Variants in DYNC1I2 observed in about 807,000 individuals in gnomAD.
DYNC1I2 encodes the protein dynein cytoplasmic 1 intermediate chain 2.
Under a neutral mutation model 88.6 loss-of-function variants are expected in DYNC1I2, and 53 were observed. The ratio of observed to expected loss-of-function variants is 0.60; its 90% CI spans 0.48 to 0.75. The LOEUF (loss-of-function observed/expected upper bound fraction) is 0.75, where lower values mean the gene tolerates loss of function less well. DYNC1I2 is among the 30% of genes least tolerant of loss of function. DYNC1I2 has a pLI of 0.00. For synonymous variants in DYNC1I2, 198 were observed against 254.6 expected, an observed-to-expected ratio of 0.78 and a Z score of 2.12; for missense variants, 458 against 766.6, an observed-to-expected ratio of 0.60 and a Z score of 4.75.
At chr2:171,693,020 T>C (rs1685506833) in intron 3 of DYNC1I2, 126 bp downstream of exon 3, 1 of 741,690 alleles carries the variant, frequency 1.3e-6, no homozygotes, top group African/African-American at 1.8e-5. Flanking sequence ...TATTAATCTT[T>C]TATTTGGAAT....
chr2:171,745,905 T>C lies in DYNC1I2; in HGVS notation c.1781T>C (p.Ile594Thr). 6.2e-7 allele frequency: 1 copy of C among 1,613,768 alleles called. No individual in the cohort carries two copies. The highest frequency in any genetic ancestry group is 8.5e-7 in the Non-Finnish European group (1 of 1,179,744). Residue 594 changes from isoleucine to threonine, a missense_variant, in exon 17 of 18, where the codon ATT becomes ACT. By Grantham distance (89) the Ile-to-Thr change is moderately conservative. Around this residue, in one of 5 missense-constraint regions of DYNC1I2, gnomAD observed 188 missense variants for 300.4 expected, o/e 0.63. Coordinates refer to ENST00000397119, the MANE Select transcript of DYNC1I2 (RefSeq NM_001378.3). ...EIAVGDSEGQ[I>T]VIYDVGEQIA... ...GCTGTGGGTGATTCTGAAGGACAGA[T>C]TGTTATATACGATGTGGGAGAGGTA... is the stretch of plus-strand genomic sequence containing the variant.
chr2:171,738,301 C>T (rs1000683557), intron 15 of DYNC1I2, among the ~76,000 whole-genome samples: 1 of 151,576 alleles, frequency 6.6e-6, no homozygotes, highest in Non-Finnish European at 1.5e-5. Context: ...CATTGCACTC[C>T]AGCCTGGGAG....
intron 15 of DYNC1I2, among the ~76,000 whole-genome samples, chr2:171,730,907 G>A (rs569427940): frequency 2.0e-5 from 3 of 152,208 alleles, no homozygotes; most frequent in South Asian, 2.1e-4. Flanking sequence ...ATTCATTCTT[G>A]TCCTTTCTTG....
rs61079902 is a variant in DYNC1I2 at position 171,733,459 on chromosome 2, C to CTTTTTT, written c.1536+3631_1536+3636dup. On this transcript the variant is annotated intron_variant, in intron 15 of 17. Transcript: ENST00000397119. ...TTTTTCTCCACAACCTTGCCAGCAT[C>CTTTTTT]TTTTTTTTTTTTTTTTTTTTTTTTT... is the stretch of plus-strand genomic sequence containing the variant. Among the ~76,000 whole-genome samples the CTTTTTT allele has an allele frequency of 2.9e-3, 160 of 55,734 alleles. 10 individuals carry two copies. The highest frequency in any genetic ancestry group is 3.5e-3 in the Non-Finnish European group (111 of 31,444). 36.6% of individuals were successfully genotyped at this position (55,734 alleles called of 152,430 possible). A position where few individuals can be genotyped will look rare whatever the true frequency, so the allele number is the denominator to read the frequency against.
At chr2:171,729,970 G>A in intron 15 of DYNC1I2, 117 bp downstream of exon 15, 1 of 1,237,352 alleles carries the variant, frequency 8.1e-7, no homozygotes, top group Non-Finnish European at 1.1e-6. Flanking sequence ...AATAGATGAA[G>A]CCTGCTAGGA....
At chr2:171,728,509 T>G in intron 13 of DYNC1I2, 91 bp downstream of exon 13, 2 of 861,728 alleles carry the variant, frequency 2.3e-6, no homozygotes, top group South Asian at 3.8e-5. Context: ...TAAACTGTTT[T>G]ATAGTAGTGT....
intron 14 of DYNC1I2, 48 bp from the exon 15 acceptor site, chr2:171,729,661 G>T (rs751751442): frequency 5.6e-6 from 9 of 1,599,348 alleles, no homozygotes; most frequent in African/African-American, 1.3e-5. Flanking sequence ...TATGTAATTG[G>T]TCTACTTATA....
At chr2:171,716,501 C>T (rs1303908903) in intron 7 of DYNC1I2, among the ~76,000 whole-genome samples, 1 of 152,100 alleles carries the variant, frequency 6.6e-6, no homozygotes, top group Admixed American at 6.5e-5. Context: ...AAGTTATATT[C>T]ATTGCAGAAA....
intron 7 of DYNC1I2, among the ~76,000 whole-genome samples, chr2:171,724,246 A>G (rs750909122): frequency 6.6e-5 from 10 of 152,132 alleles, no homozygotes; most frequent in Non-Finnish European, 1.3e-4. Context: ...TTATATTTTT[A>G]TTGCCTATAC....
chr2:171,703,178 G>A (rs539138576), intron 3 of DYNC1I2, among the ~76,000 whole-genome samples: 3 of 152,282 alleles, frequency 2.0e-5, no homozygotes, highest in East Asian at 1.9e-4. Context: ...ATGTCTTACC[G>A]CCTGGTAAGG....
Position 171,744,113 on chromosome 2 carries a change from C to T in DYNC1I2, c.1601C>T (p.Pro534Leu). The T allele has an allele frequency of 6.2e-7, 1 of 1,613,308 alleles. No homozygotes were observed. The highest frequency in any genetic ancestry group is 8.5e-7 in the Non-Finnish European group (1 of 1,179,644). Residue 534 changes from proline (P) to leucine (L), a missense_variant, in exon 16 of 18, where the codon CCT (proline) becomes CTT (leucine). By Grantham distance (98) the Pro-to-Leu change is moderately conservative (BLOSUM62 -3). Transcript: ENST00000397119. ...ADYVYDVMWSPTHPALFACVD... is the reference protein window; with the variant it reads ...ADYVYDVMWSLTHPALFACVD... ...TATGTTTATGATGTTATGTGGTCAC[C>T]TACCCACCCAGCCCTGTTTGCCTGT...
At chr2:171,732,355 C>A (rs10204501) in intron 15 of DYNC1I2, among the ~76,000 whole-genome samples, 1 of 151,804 alleles carries the variant, frequency 6.6e-6, no homozygotes, top group African/African-American at 2.4e-5. Context: ...CAAAACTCCA[C>A]CTGAAAAAGT....
chr2:171,705,647 A>G (rs1686624217), intron 3 of DYNC1I2, among the ~76,000 whole-genome samples: 1 of 152,084 alleles, frequency 6.6e-6, no homozygotes. Flanking sequence ...ACAGTGAAAG[A>G]TGGACAAAAA....
Position 171,697,591 on chromosome 2 carries a change from C to G in DYNC1I2, c.226+4697C>G, listed in dbSNP as rs571231707. ...TGGGATATGAGAGAGAAAGGAAGAA[C>G]GAAGAAAGATATTTGGGAGGCTGAG... On this transcript the variant is annotated intron_variant, in intron 3 of 17. Coordinates refer to ENST00000397119, the MANE Select transcript of DYNC1I2 (RefSeq NM_001378.3). Among the ~76,000 whole-genome samples the G allele has an allele frequency of 1.7e-4, 25 of 150,674 alleles. 1 individual carries two copies. The East Asian group carries it at 4.7e-3, about 28-fold the overall frequency.
At chr2:171,707,183 T>C in intron 4 of DYNC1I2, 104 bp from the exon 5 acceptor site, 1 of 1,546,470 alleles carries the variant, frequency 6.5e-7, no homozygotes, top group South Asian at 1.2e-5. Context: ...GCCATTGTTT[T>C]TTTCTTTTTT....
intron 11 of DYNC1I2, 46 bp downstream of exon 11, chr2:171,726,962 T>C (rs1454611636): frequency 7.3e-6 from 11 of 1,514,044 alleles, no homozygotes; most frequent in Non-Finnish European, 9.7e-6. Flanking sequence ...TAAGAATTCA[T>C]TGATGAATTA....
At chr2:171,720,929 A>G (rs1441442035) in intron 7 of DYNC1I2, among the ~76,000 whole-genome samples, 1 of 152,036 alleles carries the variant, frequency 6.6e-6, no homozygotes, top group African/African-American at 2.4e-5. Flanking sequence ...ATTTGATGAA[A>G]TCACAGATAA....
chr2:171,700,443 A>G (rs2105502401), intron 3 of DYNC1I2, among the ~76,000 whole-genome samples: 1 of 152,274 alleles, frequency 6.6e-6, no homozygotes, highest in South Asian at 2.1e-4. Context: ...CAAATTTTTG[A>G]GGGATTTTCT....
rs1168082428 is a variant in DYNC1I2 at position 171,747,191 on chromosome 2, C to CA, written c.1804-570dup. On this transcript the variant is annotated intron_variant, in intron 17 of 17. Coordinates refer to ENST00000397119, the MANE Select transcript of DYNC1I2 (RefSeq NM_001378.3). ...CCTGGGCAACAGAGTGGGACTGTCT[C>CA]AAAAAAAAAAAAAAATTATATATAT... 3.3e-3 allele frequency among the ~76,000 whole-genome samples: 251 copies of CA among 75,932 alleles called. 1 individual carries two copies. Among genetic ancestry groups the CA allele is most frequent in the African/African-American group, 8.7e-3 (201 of 23,102 alleles). The allele number at this position is 75,932 out of a possible 152,430, so 49.8% of individuals were successfully genotyped here.
Sources: gnomAD v4.1 joint callset for allele counts (sites outside exome capture counted in the v4.1 genomes callset) on GRCh38, gnomAD v4.1.1 for gene constraint, gnomAD v4.1.1 regional missense constraint, MANE v1.5 for transcripts, NCBI Gene and HGNC (gene_info 2026-07-23, HGNC 2026-07-21) for gene names.